DOCK10: variants seen among roughly 807,000 people sequenced by gnomAD.
The protein encoded by DOCK10 is dedicator of cytokinesis protein 10.
DOCK10 carries 145 observed loss-of-function variants against 280.1 expected under a neutral mutation model. The ratio of observed to expected loss-of-function variants is 0.52; its 90% confidence interval spans 0.45 to 0.59. The LOEUF (loss-of-function observed/expected upper bound fraction) is 0.59, where lower values mean the gene tolerates loss of function less well. DOCK10 is among the 20% of genes least tolerant of loss of function. The pLI is 0.00. For missense variants in DOCK10, 2,368 were observed against 2,651.7 expected, an observed-to-expected ratio of 0.89 and a Z score of 2.35; for synonymous variants, 915 against 942.2, an observed-to-expected ratio of 0.97 and a Z score of 0.53.
At chr2:224,967,079 A>C (rs1704792778) in intron 1 of DOCK10, among the ~76,000 whole-genome samples, 2 of 146,524 alleles carry the variant, frequency 1.4e-5, no homozygotes, top group Non-Finnish European at 3.0e-5. Context: ...CCTATCCTCT[A>C]GTCTTTTTTT....
chr2:224,957,941 G>A (rs1353532899), intron 1 of DOCK10, among the ~76,000 whole-genome samples: 2 of 152,218 alleles, frequency 1.3e-5, no homozygotes, highest in Non-Finnish European at 2.9e-5. Flanking sequence ...TGGGGATGAG[G>A]ATACACGTTT....
At chr2:224,984,057 A>T (rs1352867460) in intron 1 of DOCK10, among the ~76,000 whole-genome samples, 1 of 152,212 alleles carries the variant, frequency 6.6e-6, no homozygotes, top group Non-Finnish European at 1.5e-5. Context: ...CTTTTCAAAT[A>T]GGACAGTTCC....
At chr2:224,826,168 A>G (rs1175089661) in intron 27 of DOCK10, among the ~76,000 whole-genome samples, 3 of 152,282 alleles carry the variant, frequency 2.0e-5, no homozygotes, top group East Asian at 1.9e-4. Context: ...GGTTTAAGCA[A>G]TTCTCGTGCC....
At chr2:225,016,365 A>C (rs1689589744) in intron 1 of DOCK10, among the ~76,000 whole-genome samples, 1 of 151,952 alleles carries the variant, frequency 6.6e-6, no homozygotes, top group Non-Finnish European at 1.5e-5. Flanking sequence ...TATTTGTTTA[A>C]AAGTTTTTGA....
intron 15 of DOCK10, 144 bp from the exon 16 acceptor site, chr2:224,855,186 C>G (rs1697040995): frequency 2.3e-6 from 1 of 439,226 alleles, no homozygotes; most frequent in East Asian, 3.5e-5. Flanking sequence ...CCCAAATAAT[C>G]TTGTGAATGA....
At chr2:224,957,508 A>G (rs1441906194) in intron 1 of DOCK10, among the ~76,000 whole-genome samples, 2 of 152,022 alleles carry the variant, frequency 1.3e-5, no homozygotes, top group African/African-American at 2.4e-5. Context: ...AATCTAGTCT[A>G]GAACTCCTGG....
At chr2:224,872,626 A>G (rs949237800) in intron 11 of DOCK10, among the ~76,000 whole-genome samples, 4 of 152,232 alleles carry the variant, frequency 2.6e-5, no homozygotes, top group Non-Finnish European at 4.4e-5. Flanking sequence ...TCTTTCTGCC[A>G]TCCACTCACT....
intron 3 of DOCK10, among the ~76,000 whole-genome samples, chr2:224,911,145 C>T (rs575980785): frequency 1.3e-5 from 2 of 152,202 alleles, no homozygotes; most frequent in South Asian, 2.1e-4. Context: ...CTCCTTGGAG[C>T]AGTTCTTAGA....
intron 48 of DOCK10, among the ~76,000 whole-genome samples, chr2:224,788,229 G>C (rs577201381): frequency 6.6e-6 from 1 of 152,024 alleles, no homozygotes; most frequent in Non-Finnish European, 1.5e-5. Context: ...TTGAGAGCAG[G>C]AATTATGCCT....
chr2:224,765,804 C>G lies in DOCK10; in HGVS notation c.6478G>C (p.Val2160Leu). 6.2e-7 allele frequency: 1 copy of G among 1,613,828 alleles called. No individual in the cohort carries two copies. Among genetic ancestry groups the G allele is most frequent in the Non-Finnish European group, 8.5e-7 (1 of 1,179,862 alleles). Reference sequence around the variant, plus strand: ...ATTACTCGAGTGCAGGTTTGGTCCACTCCGCGCTTTGACAGGTCGTCCCTG... The same window carrying G: ...ATTACTCGAGTGCAGGTTTGGTCCAGTCCGCGCTTTGACAGGTCGTCCCTG... The part of the protein sequence containing the change: ...TGRDDLSKRG[V>L]DQTCTRVISK... The change falls in exon 56 of 56, where the codon GTG becomes CTG. Residue 2160 changes from valine to leucine, a missense_variant. This residue lies in a region of DOCK10 where 1,159 missense variants were observed against 1,400.8 expected (regional missense o/e 0.83). Transcript: ENST00000258390.
rs777366392 is a variant in DOCK10 at position 224,864,585 on chromosome 2, C to T, written c.1570G>A (p.Glu524Lys). 2.5e-6 allele frequency: 4 copies of T among 1,611,800 alleles called. No individual in the cohort carries two copies. Among genetic ancestry groups the T allele is most frequent in the East Asian group, 2.2e-5 (1 of 44,850 alleles). Residue 524 changes from glutamate to lysine, a missense_variant, in exon 13 of 56, where the codon GAA (glutamate) becomes AAA (lysine). Physicochemically the swap from Glu to Lys is moderately conservative, Grantham distance 56. Transcript: ENST00000258390. The stretch of plus-strand genomic sequence containing the variant: ...GAGTCTGGGTTCTTAATATAAGGTT[C>T]GGCACCACTTGCAATGTTTCCCATC... The part of the protein sequence containing the change: ...VLMGNIASGA[E>K]PYIKNPDSNK...
chr2:224,800,105 C>A, intron 41 of DOCK10, 46 bp downstream of exon 41: 3 of 1,161,226 alleles, frequency 2.6e-6, no homozygotes, highest in South Asian at 1.5e-5. Context: ...GTTTTTCTAC[C>A]TCATATTTCA....
chr2:225,027,843 T>G (rs1689958603), intron 1 of DOCK10, among the ~76,000 whole-genome samples: 1 of 152,180 alleles, frequency 6.6e-6, no homozygotes, highest in African/African-American at 2.4e-5. Flanking sequence ...CTCATAAGAA[T>G]TTTGTGTCTA....
Position 224,765,809 on chromosome 2 carries a change from C to G in DOCK10, c.6473G>C (p.Arg2158Pro), listed in dbSNP as rs557439456. The G allele has an allele frequency of 6.2e-7, 1 of 1,613,756 alleles. No individual in the cohort carries two copies. The highest frequency in any genetic ancestry group is 1.1e-5 in the South Asian group (1 of 91,018). Residue 2158 changes from arginine to proline, a missense_variant, in exon 56 of 56, where the codon CGC becomes CCC. By Grantham distance (103) the Arg-to-Pro change is moderately radical. This residue lies in a region of DOCK10 where 1,159 missense variants were observed against 1,400.8 expected (regional missense o/e 0.83). Transcript: ENST00000258390. ...TCGAGTGCAGGTTTGGTCCACTCCG[C>G]GCTTTGACAGGTCGTCCCTGCCCGT... ...QITGRDDLSK[R>P]GVDQTCTRVI...
At position 224,816,678 on chromosome 2, in the gene DOCK10, T is replaced by C. The variant is rs1282243075; in HGVS notation, c.3303A>G (p.Glu1101=). The change falls in exon 30 of 56, where the codon GAA becomes GAG. Residue 1101 remains glutamate, a synonymous_variant. Coordinates refer to ENST00000258390, the MANE Select transcript of DOCK10 (RefSeq NM_014689.3). ...GGATAAAGTGTTCATGTTGACATAC[T>C]TCTTGAAGAAAATCAAATTTATACT... ...LCQYKFDFLQ[E]VCQHEHFIPL... is the part of the protein sequence containing the mutation. The C allele has an allele frequency of 1.9e-6, 3 of 1,608,096 alleles. No individual in the cohort carries two copies. The highest frequency in any genetic ancestry group is 2.5e-6 in the Non-Finnish European group (3 of 1,176,564).
chr2:224,962,540 A>G (rs1174921429), intron 1 of DOCK10, among the ~76,000 whole-genome samples: 6 of 152,234 alleles, frequency 3.9e-5, no homozygotes, highest in Admixed American at 2.6e-4. Flanking sequence ...TAGTACTCAC[A>G]TCTCCTACTT....
At chr2:224,796,205 A>G in intron 44 of DOCK10, 111 bp downstream of exon 44, 1 of 708,632 alleles carries the variant, frequency 1.4e-6, no homozygotes, top group Non-Finnish European at 2.4e-6. Flanking sequence ...TTGGGAATAC[A>G]GGCGTGAACC....
At chr2:224,795,606 G>A (rs1052318414) in intron 44 of DOCK10, among the ~76,000 whole-genome samples, 2 of 152,198 alleles carry the variant, frequency 1.3e-5, no homozygotes, top group African/African-American at 4.8e-5. Context: ...CAGAATTTCT[G>A]AGAACATGCC....
At chr2:225,034,521 G>T (rs894369686) in intron 1 of DOCK10, among the ~76,000 whole-genome samples, 1 of 152,184 alleles carries the variant, frequency 6.6e-6, no homozygotes, top group African/African-American at 2.4e-5. Flanking sequence ...GTCATTATCA[G>T]ATGCTAACAA....
Sources: allele counts gnomAD v4.1 joint callset (sites outside exome capture counted in the v4.1 genomes callset), GRCh38; gene constraint gnomAD v4.1.1; regional missense constraint gnomAD v4.1.1; transcripts MANE v1.5; gene names NCBI Gene and HGNC (gene_info 2026-07-23, HGNC 2026-07-21).